Variants in MACROD2 observed in about 807,000 individuals in gnomAD.
MACROD2 encodes mono-ADP ribosylhydrolase 2.
A neutral mutation model predicts 70.4 loss-of-function variants in MACROD2; 36 were observed. That is an observed-to-expected ratio of 0.51 (90% CI 0.39 to 0.68). The LOEUF is 0.68. MACROD2 is among the 30% of genes least tolerant of loss of function. The pLI, the probability that MACROD2 is intolerant of heterozygous loss-of-function variation, is 0.00. For missense variants in MACROD2, 496 were observed against 538.4 expected (o/e 0.92, Z 0.78); for synonymous variants, 172 against 178.8 (o/e 0.96, Z 0.30).
chr20:15,271,125 T>C (rs1173351049), intron 6 of MACROD2, among the ~76,000 whole-genome samples: 3 of 152,202 alleles, frequency 2.0e-5, no homozygotes, highest in Non-Finnish European at 4.4e-5. Context: ...CAGAATACCA[T>C]AAATGGGTGG....
chr20:15,803,463 G>A (rs1479367698), intron 8 of MACROD2, among the ~76,000 whole-genome samples: 2 of 152,108 alleles, frequency 1.3e-5, no homozygotes, highest in East Asian at 3.9e-4. Context: ...ATGATGAAAG[G>A]GTGGGACACT....
In MACROD2 at chr20:15,796,627, A is replaced by G. The variant is rs1048191703; in HGVS notation, c.646-66118A>G. The stretch of plus-strand genomic sequence containing the variant: ...TCTTCCCCTCTGAGAAACAGGGATT[A>G]TGGTCAAAAGTATAAGAGGTCATGT... On this transcript the variant is annotated intron_variant, in intron 8 of 17. Transcript: ENST00000684519. Among the ~76,000 whole-genome samples the G allele has an allele frequency of 5.3e-5, 8 of 152,218 alleles. No individual in the cohort carries two copies. The South Asian group carries it at 1.4e-3, about 28-fold the overall frequency.
intron 2 of MACROD2, among the ~76,000 whole-genome samples, chr20:14,045,256 C>T (rs548234703): frequency 6.6e-6 from 1 of 152,262 alleles, no homozygotes; most frequent in Non-Finnish European, 1.5e-5. Flanking sequence ...GCTGAAGGGC[C>T]CCTCAAGCGC....
At chr20:16,009,889 C>T (rs953954876) in intron 15 of MACROD2, among the ~76,000 whole-genome samples, 11 of 152,234 alleles carry the variant, frequency 7.2e-5, no homozygotes, top group South Asian at 2.1e-4. Context: ...CCACATTCTC[C>T]GAGAGAAGCA....
intron 5 of MACROD2, among the ~76,000 whole-genome samples, chr20:15,158,596 G>T (rs1400620828): frequency 6.6e-6 from 1 of 152,110 alleles, no homozygotes; most frequent in Non-Finnish European, 1.5e-5. Context: ...GGAGGTCAAT[G>T]ACATTATCTT....
intron 5 of MACROD2, among the ~76,000 whole-genome samples, chr20:14,884,096 C>T (rs1245448038): frequency 1.3e-5 from 2 of 152,156 alleles, no homozygotes; most frequent in African/African-American, 4.8e-5. Flanking sequence ...CTCTTCTTTC[C>T]TGTGATATCC....
chr20:15,788,875 A>G lies in MACROD2; in HGVS notation c.646-73870A>G, dbSNP rs142507405. On this transcript the variant is annotated intron_variant, in intron 8 of 17. Transcript: ENST00000684519. ...TTATATTAAAACTTCATATTTACCA[A>G]CATTGTTTTTTTGTAGTCTCTGTCT... Among the ~76,000 whole-genome samples, 177 of 152,302 alleles carry G rather than the reference A, an allele frequency of 1.2e-3. 2 individuals are homozygous for G. Among genetic ancestry groups the G allele is most frequent in the Non-Finnish European group, 1.9e-3 (126 of 68,010 alleles).
chr20:14,989,284 T>G (rs903170441), intron 5 of MACROD2, among the ~76,000 whole-genome samples: 7 of 152,166 alleles, frequency 4.6e-5, no homozygotes, highest in African/African-American at 1.7e-4. Flanking sequence ...CCTTTGGTGT[T>G]GATTTGGATC....
chr20:15,023,280 T>C (rs1437198192), intron 5 of MACROD2, among the ~76,000 whole-genome samples: 1 of 152,234 alleles, frequency 6.6e-6, no homozygotes, highest in Non-Finnish European at 1.5e-5. Flanking sequence ...CTTTTGAGTT[T>C]TAAATGGGCA....
At chr20:15,527,548 T>C (rs551860883) in intron 8 of MACROD2, among the ~76,000 whole-genome samples, 2 of 152,206 alleles carry the variant, frequency 1.3e-5, no homozygotes, top group African/African-American at 2.4e-5. Context: ...AGATTCCTGA[T>C]GTGTTGCAGC....
chr20:14,497,379 T>C (rs2084865981), intron 4 of MACROD2, among the ~76,000 whole-genome samples: 1 of 151,726 alleles, frequency 6.6e-6, no homozygotes, highest in African/African-American at 2.4e-5. Flanking sequence ...GCTGGTACTT[T>C]TGGAATATAT....
chr20:15,478,436 A>G (rs1370694828), intron 7 of MACROD2, among the ~76,000 whole-genome samples: 1 of 152,164 alleles, frequency 6.6e-6, no homozygotes, highest in Admixed American at 6.5e-5. Flanking sequence ...CAACTTGTCT[A>G]CTGATGATGC....
intron 6 of MACROD2, among the ~76,000 whole-genome samples, chr20:15,301,017 C>T (rs1439974874): frequency 6.6e-6 from 1 of 152,104 alleles, no homozygotes; most frequent in African/African-American, 2.4e-5. Flanking sequence ...GTGAGCTTGC[C>T]CCCACATGGC....
chr20:15,347,689 C>T (rs1374816920), intron 6 of MACROD2, among the ~76,000 whole-genome samples: 2 of 152,148 alleles, frequency 1.3e-5, no homozygotes, highest in East Asian at 1.9e-4. Flanking sequence ...TAATGTAATA[C>T]AGTATAATAT....
intron 4 of MACROD2, among the ~76,000 whole-genome samples, chr20:14,538,490 TC>T (rs1243810669): frequency 1.3e-5 from 2 of 152,184 alleles, no homozygotes; most frequent in African/African-American, 4.8e-5. Flanking sequence ...CCTAACACTC[TC>T]TAATGAGTCC....
At chr20:15,057,102 A>G (rs536793177) in intron 5 of MACROD2, among the ~76,000 whole-genome samples, 1 of 152,316 alleles carries the variant, frequency 6.6e-6, no homozygotes, top group African/African-American at 2.4e-5. Context: ...CCTACCATAT[A>G]TATTTTTTAA....
intron 15 of MACROD2, among the ~76,000 whole-genome samples, chr20:15,989,143 A>C (rs538908566): frequency 6.6e-6 from 1 of 152,218 alleles, no homozygotes; most frequent in Non-Finnish European, 1.5e-5. Flanking sequence ...AATGCACTCC[A>C]TAAGTATTTA....
chr20:14,895,079 G>A (rs893675470), intron 5 of MACROD2: 1 of 152,174 alleles, frequency 6.6e-6, no homozygotes, highest in African/African-American at 2.4e-5. Context: ...GGGATATCAA[G>A]TTAGTGTTGA....
chr20:14,585,554 A>G (rs1441264201), intron 4 of MACROD2, among the ~76,000 whole-genome samples: 3 of 152,016 alleles, frequency 2.0e-5, no homozygotes, highest in Admixed American at 1.3e-4. Flanking sequence ...GGGATATATT[A>G]TATGTATTTT....
Sources: gnomAD v4.1 joint callset for allele counts (sites outside exome capture counted in the v4.1 genomes callset) on GRCh38, gnomAD v4.1.1 for gene constraint, MANE v1.5 for transcripts, NCBI Gene and HGNC (gene_info 2026-07-23, HGNC 2026-07-21) for gene names.